TRIM36: variants seen among roughly 807,000 people sequenced by gnomAD.
The protein encoded by TRIM36 is tripartite motif containing 36, also known as E3 ubiquitin-protein ligase TRIM36.
In TRIM36, 42 loss-of-function variants were observed where a neutral mutation model predicts 72.4. The ratio of observed to expected loss-of-function variants is 0.58; its 90% CI spans 0.45 to 0.75. The LOEUF is 0.75. TRIM36 is among the 30% of genes least tolerant of loss of function. The pLI, the probability that TRIM36 is intolerant of heterozygous loss-of-function variation, is 0.00. For synonymous variants in TRIM36, 315 were observed against 282.8 expected (o/e 1.11, Z -1.14); for missense variants, 913 against 857.1 (o/e 1.07, Z -0.81).
intron 3 of TRIM36, 100 bp downstream of exon 3, chr5:115,146,969 A>G: frequency 8.2e-7 from 1 of 1,217,676 alleles, no homozygotes. Flanking sequence ...CCTTTCTGTC[A>G]AGTTCTAGAC....
In TRIM36 at chr5:115,163,709, C is replaced by T; in HGVS notation, c.71G>A (p.Cys24Tyr). Reference sequence around the variant, plus strand: ...CAATGGGTGGGTAAACAGCTCCTTGCATGCTGGGCAAATGAGCTCCCTTTC... The same window carrying T: ...CAATGGGTGGGTAAACAGCTCCTTGTATGCTGGGCAAATGAGCTCCCTTTC... ...NIERELICPA[C>Y]KELFTHPLIL... Residue 24 changes from cysteine to tyrosine, a missense_variant, in exon 2 of 10, where the codon TGC (cysteine) becomes TAC (tyrosine). Cys to Tyr is a radical substitution (Grantham distance 194). Coordinates refer to ENST00000513154, the MANE Select transcript of TRIM36 (RefSeq NM_001300759.2). 6.2e-7 allele frequency: 1 copy of T among 1,614,178 alleles called. No homozygotes were observed. The highest frequency in any genetic ancestry group is 8.5e-7 in the Non-Finnish European group (1 of 1,180,034).
chr5:115,140,614 C>A (rs1196645781), intron 5 of TRIM36, among the ~76,000 whole-genome samples: 1 of 152,178 alleles, frequency 6.6e-6, no homozygotes, highest in African/African-American at 2.4e-5. Context: ...ACATCATCAT[C>A]TAGTTTCACC....
intron 9 of TRIM36, among the ~76,000 whole-genome samples, chr5:115,129,571 A>G (rs1172349024): frequency 6.6e-6 from 1 of 152,220 alleles, no homozygotes; most frequent in African/African-American, 2.4e-5. Context: ...AAAAGAAAAG[A>G]AAATACAAAG....
At chr5:115,158,876 T>C (rs1754328703) in intron 2 of TRIM36, among the ~76,000 whole-genome samples, 1 of 152,218 alleles carries the variant, frequency 6.6e-6, no homozygotes, top group Admixed American at 6.5e-5. Flanking sequence ...CTTCTAATCG[T>C]GGCTTTAAGA....
rs113120319 is a variant in TRIM36 at position 115,157,319 on chromosome 5, T to C, written c.262+6199A>G. On this transcript the variant is annotated intron_variant, in intron 2 of 9. Transcript: ENST00000513154. ...GGCTCACACCTGTAATCCCAACATT[T>C]TGGGAGGCTGGGGTGGGTGGATCAC... Among the ~76,000 whole-genome samples, 8 of 152,174 alleles carry C rather than the reference T, an allele frequency of 5.3e-5. 1 individual carries two copies. The highest frequency in any genetic ancestry group is 1.7e-4 in the African/African-American group (7 of 41,514).
intron 1 of TRIM36, 134 bp from the exon 2 acceptor site, chr5:115,163,886 C>A (rs1443229663): frequency 4.9e-6 from 4 of 823,140 alleles, no homozygotes; most frequent in Admixed American, 2.9e-5. Flanking sequence ...TTTTAAATTT[C>A]TTTTCCCCAA....
chr5:115,129,007 A>T (rs1279918641), intron 9 of TRIM36, among the ~76,000 whole-genome samples: 2 of 152,032 alleles, frequency 1.3e-5, no homozygotes, highest in African/African-American at 4.8e-5. Flanking sequence ...TTTATCTTTT[A>T]TAACTTATTT....
At chr5:115,134,257 T>C (rs990498226) in intron 7 of TRIM36, 110 bp from the exon 8 acceptor site, 3 of 932,518 alleles carry the variant, frequency 3.2e-6, no homozygotes, top group Non-Finnish European at 4.3e-6. Context: ...TCTATACTAA[T>C]ACTTTTCTAA....
At chr5:115,145,363 C>G (rs1753528872) in intron 3 of TRIM36, among the ~76,000 whole-genome samples, 1 of 151,990 alleles carries the variant, frequency 6.6e-6, no homozygotes, top group African/African-American at 2.4e-5. Flanking sequence ...TAAAAGCTAT[C>G]AAATAACATA....
intron 1 of TRIM36, chr5:115,169,162 A>C: frequency 6.2e-6 from 1 of 160,644 alleles, no homozygotes; most frequent in Non-Finnish European, 1.4e-5. Context: ...GAAGCCGGGG[A>C]GGAGCCTCTG....
intron 2 of TRIM36, among the ~76,000 whole-genome samples, chr5:115,162,825 C>T (rs75306071): frequency 0.011 from 1,684 of 151,832 alleles, 30 homozygotes; most frequent in African/African-American, 0.039. Flanking sequence ...TTAGGTAGTC[C>T]CACTCCTTAA....
At chr5:115,171,344 G>A, upstream of TRIM36, 4 of 1,394,496 alleles carry the variant, frequency 2.9e-6, no homozygotes, top group Admixed American at 6.1e-5. Flanking sequence ...ATAATGCCTG[G>A]GCTGTTCTGA....
chr5:115,132,474 T>C (rs907852378), intron 8 of TRIM36, among the ~76,000 whole-genome samples: 8 of 149,524 alleles, frequency 5.4e-5, no homozygotes, highest in Admixed American at 1.3e-4. Flanking sequence ...AGACAGAGGT[T>C]GCAGTGAGCT....
At chr5:115,155,484 T>C (rs1395099820) in intron 2 of TRIM36, among the ~76,000 whole-genome samples, 2 of 152,224 alleles carry the variant, frequency 1.3e-5, no homozygotes, top group Non-Finnish European at 2.9e-5. Flanking sequence ...GTGGGTTTCA[T>C]ACCAGGGATG....
chr5:115,140,118 G>C (rs183668215), intron 5 of TRIM36, among the ~76,000 whole-genome samples: 1 of 152,310 alleles, frequency 6.6e-6, no homozygotes, highest in Non-Finnish European at 1.5e-5. Flanking sequence ...AATCAGTAAA[G>C]ATCAGGAAAA....
chr5:115,136,278 GA>G (rs1175808794), intron 7 of TRIM36, among the ~76,000 whole-genome samples: 1 of 82,178 alleles, frequency 1.2e-5, no homozygotes, highest in African/African-American at 4.8e-5. Flanking sequence ...CTTATAAAAA[GA>G]GGAGATTAGA....
chr5:115,153,229 G>A (rs893337144), intron 2 of TRIM36, among the ~76,000 whole-genome samples: 1 of 152,112 alleles, frequency 6.6e-6, no homozygotes, highest in African/African-American at 2.4e-5. Flanking sequence ...AAGCCAGCAG[G>A]AGTAGGTATT....
intron 2 of TRIM36, among the ~76,000 whole-genome samples, chr5:115,151,047 A>G (rs1753864605): frequency 6.6e-6 from 1 of 152,156 alleles, no homozygotes; most frequent in Admixed American, 6.5e-5. Context: ...AACTTGGGGG[A>G]GGGTGTAAAT....
At chr5:115,161,206 A>G (rs1456022876) in intron 2 of TRIM36, among the ~76,000 whole-genome samples, 1 of 151,930 alleles carries the variant, frequency 6.6e-6, no homozygotes, top group East Asian at 1.9e-4. Context: ...AAAAAAAAAA[A>G]GAAAAGAAAG....
Sources: allele counts gnomAD v4.1 joint callset (sites outside exome capture counted in the v4.1 genomes callset), GRCh38; gene constraint gnomAD v4.1.1; transcripts MANE v1.5; gene names NCBI Gene and HGNC (gene_info 2026-07-23, HGNC 2026-07-21).